FAM184B: variants seen among roughly 807,000 people sequenced by gnomAD.
The protein encoded by FAM184B is protein FAM184B.
FAM184B carries 111 observed loss-of-function variants against 135.9 expected under a neutral mutation model. The observed-to-expected ratio is 0.82, with a 90% confidence interval of 0.70 to 0.96. The LOEUF (loss-of-function observed/expected upper bound fraction) is 0.96, where lower values mean the gene tolerates loss of function less well. Ranked by LOEUF, FAM184B falls within the 40% of genes least tolerant of loss-of-function variation. The pLI is 0.00. For missense variants in FAM184B, 1,375 were observed against 1,323.9 expected (o/e 1.04, Z -0.60); for synonymous variants, 552 against 524.8 (o/e 1.05, Z -0.71).
chr4:17,726,149 C>T (rs1368078444), intron 1 of FAM184B, among the ~76,000 whole-genome samples: 1 of 152,078 alleles, frequency 6.6e-6, no homozygotes, highest in Non-Finnish European at 1.5e-5. Context: ...TGGTCTTGAT[C>T]TCCTGACCTT....
chr4:17,721,017 C>T (rs1378555967), intron 1 of FAM184B, among the ~76,000 whole-genome samples: 3 of 151,766 alleles, frequency 2.0e-5, no homozygotes, highest in Admixed American at 6.6e-5. Context: ...TGAAAAAGTT[C>T]GTCTGCAGAG....
chr4:17,638,179 T>A (rs1327194411), intron 14 of FAM184B, among the ~76,000 whole-genome samples: 1 of 148,996 alleles, frequency 6.7e-6, no homozygotes, highest in African/African-American at 2.5e-5. Context: ...AGGGTCTATT[T>A]TTTTTGTTTT....
rs552040455 is a variant in FAM184B, at chr4:17,694,010, C to G, written c.1378-598G>C. On this transcript the variant is annotated intron_variant, in intron 5 of 17. Transcript: ENST00000265018. Reference sequence around the variant, plus strand: ...ATGGGATTCCCAGGGCCTATTGCTCCATGGTCCCTCACCACAGCCCATGAG... The same window carrying G: ...ATGGGATTCCCAGGGCCTATTGCTCGATGGTCCCTCACCACAGCCCATGAG... 5.9e-5 allele frequency among the ~76,000 whole-genome samples: 9 copies of G among 152,270 alleles called. No individual in the cohort carries two copies. The South Asian group carries it at 1.7e-3, about 28-fold the overall frequency.
In FAM184B at chr4:17,705,733, G is replaced by C. The variant is rs1467076810; in HGVS notation, c.1170+19C>G. The C allele has an allele frequency of 2.6e-6, 4 of 1,551,330 alleles. No homozygotes were observed. Among genetic ancestry groups the C allele is most frequent in the South Asian group, 2.4e-5 (2 of 84,024 alleles). ...GCTCTCTGTGCCTTCTCCATCCCCA[G>C]GGCTGGGTCAGACACTACCTGCATA... is the stretch of plus-strand genomic sequence containing the variant. On this transcript the variant is annotated intron_variant, in intron 4 of 17. Transcript: ENST00000265018.
At chr4:17,679,436 T>C (rs1716388115) in intron 7 of FAM184B, among the ~76,000 whole-genome samples, 1 of 152,160 alleles carries the variant, frequency 6.6e-6, no homozygotes, top group African/African-American at 2.4e-5. Flanking sequence ...ACATCACTAA[T>C]GATCACGGAA....
At chr4:17,641,826 C>T (rs1408222146) in intron 13 of FAM184B, among the ~76,000 whole-genome samples, 2 of 152,028 alleles carry the variant, frequency 1.3e-5, no homozygotes, top group South Asian at 2.1e-4. Flanking sequence ...CAAGGCACTT[C>T]CTCTGCGGTT....
At chr4:17,675,270 C>T (rs1560173726) in intron 7 of FAM184B, among the ~76,000 whole-genome samples, 1 of 152,164 alleles carries the variant, frequency 6.6e-6, no homozygotes, top group Non-Finnish European at 1.5e-5. Flanking sequence ...ATGAAAACAA[C>T]ATTACTCTCC....
At chr4:17,741,440 T>G (rs1204665043) in intron 1 of FAM184B, among the ~76,000 whole-genome samples, 1 of 152,190 alleles carries the variant, frequency 6.6e-6, no homozygotes. Context: ...ACGCCTGTAA[T>G]CTCAGCACTT....
Position 17,781,330 on chromosome 4 carries a change from T to TG in FAM184B, c.-32_-31insC, listed in dbSNP as rs1719028837. Reference sequence around the variant, plus strand: ...AAACGCGCCCAGCACTCAGACTCTCTCGTTTTCTCCCTGCCCACCGTGTGC... The same window carrying TG: ...AAACGCGCCCAGCACTCAGACTCTCTGCGTTTTCTCCCTGCCCACCGTGTGC... On this transcript the variant is annotated 5_prime_UTR_variant, in exon 1 of 18. Coordinates refer to ENST00000265018, the MANE Select transcript of FAM184B (RefSeq NM_015688.2). This position sits in a 1 kb window ranked among gnomAD's most constrained non-coding sequence, Gnocchi z 6.5. 6.7e-7 allele frequency: 1 copy of TG among 1,496,642 alleles called. No homozygotes were observed. The highest frequency in any genetic ancestry group is 2.2e-5 in the Admixed American group (1 of 45,004). The allele number at this position is 1,496,642 out of a possible 1,614,324, so 92.7% of individuals were successfully genotyped here. A position where few individuals can be genotyped will look rare whatever the true frequency, so the allele number is the denominator to read the frequency against.
At chr4:17,672,180 C>A (rs115564256) in intron 7 of FAM184B, among the ~76,000 whole-genome samples, 1 of 152,018 alleles carries the variant, frequency 6.6e-6, no homozygotes, top group Non-Finnish European at 1.5e-5. Context: ...TATAAGAGAA[C>A]CCCCTCATAA....
intron 10 of FAM184B, among the ~76,000 whole-genome samples, chr4:17,656,121 C>G (rs987093852): frequency 2.0e-5 from 3 of 152,264 alleles, no homozygotes; most frequent in African/African-American, 7.2e-5. Context: ...CCCCCTAGAG[C>G]CCCTGGAACT....
chr4:17,773,548 T>G (rs1379918538), intron 1 of FAM184B, among the ~76,000 whole-genome samples: 1 of 152,192 alleles, frequency 6.6e-6, no homozygotes, highest in African/African-American at 2.4e-5. Flanking sequence ...GTCTGGGTTC[T>G]CGAGAGTCAG....
At chr4:17,637,222 T>C (rs532971502) in intron 14 of FAM184B, among the ~76,000 whole-genome samples, 2 of 152,132 alleles carry the variant, frequency 1.3e-5, no homozygotes, top group South Asian at 4.2e-4. Context: ...GGAGACGGGG[T>C]TTCACTATGT....
chr4:17,724,880 C>T (rs146356103), intron 1 of FAM184B, among the ~76,000 whole-genome samples: 5 of 152,242 alleles, frequency 3.3e-5, no homozygotes, highest in South Asian at 2.1e-4. Flanking sequence ...CTATATTCTA[C>T]GTCAATTCTC....
At chr4:17,659,290 A>G (rs1018207528) in intron 9 of FAM184B, among the ~76,000 whole-genome samples, 3 of 151,584 alleles carry the variant, frequency 2.0e-5, no homozygotes, top group Non-Finnish European at 4.4e-5. Flanking sequence ...TATTTTTTGT[A>G]GAGACAGAGT....
intron 5 of FAM184B, among the ~76,000 whole-genome samples, chr4:17,695,053 G>T (rs1315923621): frequency 6.6e-6 from 1 of 152,146 alleles, no homozygotes; most frequent in Non-Finnish European, 1.5e-5. Flanking sequence ...GACTAGATGA[G>T]GTTTGAGGAG....
intron 1 of FAM184B, among the ~76,000 whole-genome samples, chr4:17,739,747 G>C (rs1717988874): frequency 6.6e-6 from 1 of 151,420 alleles, no homozygotes; most frequent in South Asian, 2.1e-4. Context: ...TAGAGATGGG[G>C]GTTCCACCAT....
Position 17,763,128 on chromosome 4 carries a change from C to G in FAM184B, c.141+18031G>C, listed in dbSNP as rs534673167. Among the ~76,000 whole-genome samples, 8 of 152,214 alleles carry G rather than the reference C, an allele frequency of 5.3e-5. No individual in the cohort carries two copies. The East Asian group carries it at 1.6e-3, about 29-fold the overall frequency. On this transcript the variant is annotated intron_variant, in intron 1 of 17. Transcript: ENST00000265018. ...GCTAGTTCTTTCTTTGCCTGTCAAC[C>G]CCAGCCAGCAAGGTCCGATCATGCC...
chr4:17,673,811 C>T (rs182520814), intron 7 of FAM184B, among the ~76,000 whole-genome samples: 116 of 142,262 alleles, frequency 8.2e-4, no homozygotes, highest in African/African-American at 2.8e-3. Flanking sequence ...AAACTGAGTG[C>T]AGTGTATATT....
Sources: allele counts gnomAD v4.1 joint callset (sites outside exome capture counted in the v4.1 genomes callset), GRCh38; gene constraint gnomAD v4.1.1; non-coding constraint Gnocchi (gnomAD v3.1); transcripts MANE v1.5; gene names NCBI Gene and HGNC (gene_info 2026-07-23, HGNC 2026-07-21).